Variants in ANKRD11 observed in about 807,000 individuals in gnomAD.
ANKRD11 encodes ankyrin repeat domain-containing protein 11.
Under a neutral mutation model 195.7 loss-of-function variants are expected in ANKRD11, and 17 were observed. The ratio of observed to expected loss-of-function variants is 0.09; its 90% CI spans 0.06 to 0.13. The LOEUF is 0.13. ANKRD11 is among the 10% of genes least tolerant of loss of function. ANKRD11 has a pLI of 1.00. For missense variants in ANKRD11, 3,735 were observed against 3,566.1 expected, an observed-to-expected ratio of 1.05 and a Z score of -1.21; for synonymous variants, 1,953 against 1,528.1, an observed-to-expected ratio of 1.28 and a Z score of -6.49.
intron 1 of ANKRD11, among the ~76,000 whole-genome samples, chr16:89,479,311 C>G (rs923575285): frequency 1.3e-5 from 2 of 151,980 alleles, no homozygotes; most frequent in African/African-American, 4.8e-5. Flanking sequence ...AAGTTTGCCT[C>G]CTAGATAAAA....
intron 1 of ANKRD11, among the ~76,000 whole-genome samples, chr16:89,432,936 G>C (rs1356511492): frequency 7.1e-6 from 1 of 141,446 alleles, no homozygotes; most frequent in Non-Finnish European, 1.5e-5. Flanking sequence ...ATGGGTGACA[G>C]AGACCCTATC....
At chr16:89,451,100 C>T (rs2044050249) in intron 1 of ANKRD11, among the ~76,000 whole-genome samples, 2 of 152,162 alleles carry the variant, frequency 1.3e-5, no homozygotes, top group South Asian at 4.1e-4. Flanking sequence ...AACAGAGAAA[C>T]CTATGGCTGG....
intron 1 of ANKRD11, among the ~76,000 whole-genome samples, chr16:89,479,664 G>T (rs544727298): frequency 1.3e-5 from 2 of 150,642 alleles, no homozygotes; most frequent in South Asian, 4.2e-4. Context: ...TTTTAAAAAG[G>T]CCAGACGCAG....
intron 2 of ANKRD11, among the ~76,000 whole-genome samples, chr16:89,388,970 C>G (rs1283525220): frequency 6.6e-6 from 1 of 152,204 alleles, no homozygotes; most frequent in Non-Finnish European, 1.5e-5. Flanking sequence ...ATACAATTAT[C>G]CAGCACATAA....
chr16:89,280,208 G>C lies in ANKRD11; in HGVS notation c.6334C>G (p.Leu2112Val). The C allele has an allele frequency of 1.2e-6, 2 of 1,608,426 alleles. No homozygotes were observed. The highest frequency in any genetic ancestry group is 1.7e-6 in the Non-Finnish European group (2 of 1,179,256). ...CAGGGCACCGGCTCCACCTGGCCGAGGTGAGACAGGCCGCGGCTGCCGTCC... is the reference window on the plus strand; with the variant it reads ...CAGGGCACCGGCTCCACCTGGCCGACGTGAGACAGGCCGCGGCTGCCGTCC... The part of the protein sequence containing the change: ...FLDGSRGLSH[L>V]GQVEPVPWAD... Residue 2112 changes from leucine to valine, a missense_variant, in exon 9 of 13, where the codon CTC becomes GTC. Leu to Val is a conservative substitution (Grantham distance 32). Coordinates refer to ENST00000301030, the MANE Select transcript of ANKRD11 (RefSeq NM_013275.6).
At position 89,280,903 on chromosome 16, in the gene ANKRD11, T is replaced by G. The variant is rs749743676; in HGVS notation, c.5639A>C (p.Glu1880Ala). Residue 1880 changes from glutamate to alanine, a missense_variant, in exon 9 of 13, where the codon GAG becomes GCG. Transcript: ENST00000301030. Reference protein sequence around the residue: ...AAVVTVTPSPEGVFSSLQAKP... With the variant: ...AAVVTVTPSPAGVFSSLQAKP... ...TGCTTGTAAACTTGAGAAGACGCCC[T>G]CTGGAGACGGGGTGACAGTGACAAC... is the stretch of plus-strand genomic sequence containing the variant. The G allele has an allele frequency of 1.2e-6, 2 of 1,601,966 alleles. No individual in the cohort carries two copies. The highest frequency in any genetic ancestry group is 1.1e-5 in the South Asian group (1 of 90,220).
chr16:89,475,039 G>C (rs778603762), intron 1 of ANKRD11, among the ~76,000 whole-genome samples: 1 of 152,178 alleles, frequency 6.6e-6, no homozygotes, highest in Non-Finnish European at 1.5e-5. Context: ...CTCAAGTAAG[G>C]GGGTGGCAGC....
At chr16:89,460,458 C>T (rs1309968187) in intron 1 of ANKRD11, among the ~76,000 whole-genome samples, 1 of 152,218 alleles carries the variant, frequency 6.6e-6, no homozygotes, top group East Asian at 1.9e-4. Flanking sequence ...ACTCAGGAGG[C>T]TGAAGCAGGA....
At chr16:89,335,995 C>CT (rs2038333836) in intron 2 of ANKRD11, among the ~76,000 whole-genome samples, 2 of 152,220 alleles carry the variant, frequency 1.3e-5, no homozygotes, top group Non-Finnish European at 2.9e-5. Flanking sequence ...TCAGATGGGT[C>CT]TTTTATTAGA....
chr16:89,439,846 C>T (rs2043369843), intron 1 of ANKRD11, among the ~76,000 whole-genome samples: 1 of 152,212 alleles, frequency 6.6e-6, no homozygotes, highest in Non-Finnish European at 1.5e-5. Flanking sequence ...CAGCTGTAAG[C>T]TCAACTCTAA....
At chr16:89,458,407 G>A (rs1317864950) in intron 1 of ANKRD11, among the ~76,000 whole-genome samples, 1 of 152,030 alleles carries the variant, frequency 6.6e-6, no homozygotes, top group Non-Finnish European at 1.5e-5. Context: ...TGTATTTTTA[G>A]TAGAGACGGG....
intron 2 of ANKRD11, among the ~76,000 whole-genome samples, chr16:89,371,349 T>A (rs2040183571): frequency 6.6e-6 from 1 of 152,200 alleles, no homozygotes; most frequent in Non-Finnish European, 1.5e-5. Context: ...GCACCGCCAG[T>A]GTCCATTCTA....
chr16:89,476,913 C>T (rs1241151016), intron 1 of ANKRD11, among the ~76,000 whole-genome samples: 3 of 152,132 alleles, frequency 2.0e-5, no homozygotes, highest in Non-Finnish European at 2.9e-5. Flanking sequence ...ACACAACACA[C>T]GTTTATACAC....
chr16:89,314,578 C>G (rs759024681), intron 3 of ANKRD11, among the ~76,000 whole-genome samples: 8 of 152,160 alleles, frequency 5.3e-5, no homozygotes, highest in Non-Finnish European at 1.2e-4. Flanking sequence ...GACTGCCTTC[C>G]CTGCAAGTCC....
chr16:89,353,679 C>A (rs914186783), intron 2 of ANKRD11, among the ~76,000 whole-genome samples: 1 of 152,162 alleles, frequency 6.6e-6, no homozygotes. Flanking sequence ...AGGGTTTCAT[C>A]ATGTTGGCCA....
intron 3 of ANKRD11, among the ~76,000 whole-genome samples, chr16:89,310,568 T>C (rs1023691486): frequency 1.3e-5 from 2 of 152,360 alleles, no homozygotes; most frequent in Admixed American, 1.3e-4. Context: ...TCCTGATCTA[T>C]GAATATTGTA....
chr16:89,365,587 C>T (rs918337693), intron 2 of ANKRD11, among the ~76,000 whole-genome samples: 7 of 152,148 alleles, frequency 4.6e-5, no homozygotes, highest in African/African-American at 1.7e-4. Context: ...TTGTGTATGC[C>T]TTAATAATTG....
chr16:89,323,574 G>A (rs1404955889), intron 2 of ANKRD11, among the ~76,000 whole-genome samples: 1 of 45,792 alleles, frequency 2.2e-5, no homozygotes, highest in East Asian at 5.8e-4. Context: ...AAGGGCACGG[G>A]GGCTAAGCCC....
chr16:89,449,380 C>A (rs1415483021), intron 1 of ANKRD11, among the ~76,000 whole-genome samples: 1 of 151,954 alleles, frequency 6.6e-6, no homozygotes. Flanking sequence ...AAAAGAAACA[C>A]AGACATGGAG....
Sources: gnomAD v4.1 joint callset for allele counts (sites outside exome capture counted in the v4.1 genomes callset) on GRCh38, gnomAD v4.1.1 for gene constraint, MANE v1.5 for transcripts, NCBI Gene and HGNC (gene_info 2026-07-23, HGNC 2026-07-21) for gene names.